The following FBXO10 variants were observed in gnomAD, a reference collection of about 807,000 sequenced individuals.
FBXO10 encodes F-box only protein 10.
FBXO10 carries 39 observed loss-of-function variants against 80.7 expected under a neutral mutation model. That is an observed-to-expected ratio of 0.48 (90% CI 0.37 to 0.63). FBXO10 has a LOEUF of 0.63. Among genes scored for constraint, FBXO10 ranks in the 30% least tolerant of loss-of-function variants. The pLI is 0.00. For missense variants in FBXO10, 1,025 were observed against 1,269.0 expected, an observed-to-expected ratio of 0.81 and a Z score of 2.92; for synonymous variants, 449 against 489.6, an observed-to-expected ratio of 0.92 and a Z score of 1.09.
intron 7 of FBXO10, chr9:37,522,531 G>C (rs995616996): frequency 4.3e-6 from 5 of 1,154,566 alleles, no homozygotes; most frequent in African/African-American, 1.6e-5. Context: ...ATGCACATGA[G>C]CCAGGGCTGA....
chr9:37,544,344 A>C (rs2119135614), intron 1 of FBXO10, among the ~76,000 whole-genome samples: 1 of 152,204 alleles, frequency 6.6e-6, no homozygotes, highest in South Asian at 2.1e-4. Flanking sequence ...GAGGCAGGAG[A>C]ATCATTTGGA....
chr9:37,568,946 G>A (rs1822677393), intron 1 of FBXO10, among the ~76,000 whole-genome samples: 1 of 152,242 alleles, frequency 6.6e-6, no homozygotes, highest in Non-Finnish European at 1.5e-5. Context: ...GAAGACAGCT[G>A]TAATGAAATG....
intron 1 of FBXO10, among the ~76,000 whole-genome samples, chr9:37,546,362 G>C (rs146061160): frequency 7.4e-4 from 112 of 152,210 alleles, no homozygotes; most frequent in African/African-American, 2.7e-3. Context: ...ATAGCACAGA[G>C]GGGGTGGGGA....
intron 1 of FBXO10, among the ~76,000 whole-genome samples, chr9:37,543,912 T>G (rs549184521): frequency 6.6e-6 from 1 of 152,226 alleles, no homozygotes; most frequent in African/African-American, 2.4e-5. Context: ...GGTGGATTAC[T>G]TGAGGTCAGG....
rs1419181663 is a variant in FBXO10 at position 37,531,905 on chromosome 9, G to C, written c.1569+4C>G. The C allele has an allele frequency of 3.1e-6, 5 of 1,613,370 alleles. No homozygotes were observed. Among genetic ancestry groups the C allele is most frequent in the African/African-American group, 2.7e-5 (2 of 74,904 alleles). On this transcript the variant is annotated splice_donor_region_variant and intron_variant, in intron 4 of 10. Coordinates refer to ENST00000432825, the MANE Select transcript of FBXO10 (RefSeq NM_012166.3). ...ACCCTGAATAGGGAACGAACACAAA[G>C]TACCAGTATGAGTGGGTTGGACTTT...
intron 8 of FBXO10, among the ~76,000 whole-genome samples, chr9:37,520,200 C>T (rs1821298382): frequency 6.6e-6 from 1 of 150,674 alleles, no homozygotes; most frequent in Non-Finnish European, 1.5e-5. Flanking sequence ...ACCCTCCCAC[C>T]CCCACCCCAC....
At chr9:37,569,394 G>GAAAAAAAAA (rs1822689888) in intron 1 of FBXO10, among the ~76,000 whole-genome samples, 1 of 39,472 alleles carries the variant, frequency 2.5e-5, no homozygotes, top group Non-Finnish European at 6.0e-5. Context: ...CAGATATAAA[G>GAAAAAAAAA]CAAAAAAAAA....
chr9:37,515,843 G>C (rs547420660), intron 10 of FBXO10, 61 bp downstream of exon 10: 3 of 1,545,414 alleles, frequency 1.9e-6, no homozygotes, highest in Non-Finnish European at 2.6e-6. Context: ...TGTGGGCCTG[G>C]CTTCTTCAGG....
intron 1 of FBXO10, among the ~76,000 whole-genome samples, chr9:37,546,070 C>T (rs776758035): frequency 2.0e-5 from 3 of 151,208 alleles, no homozygotes; most frequent in Non-Finnish European, 2.9e-5. Flanking sequence ...CGCTTGAACC[C>T]GGGAGGCAGA....
chr9:37,523,507 C>T (rs1366727112), intron 6 of FBXO10, among the ~76,000 whole-genome samples: 2 of 151,956 alleles, frequency 1.3e-5, no homozygotes, highest in Non-Finnish European at 1.5e-5. Context: ...GGGCTATAAT[C>T]GAGCCACTGC....
intron 1 of FBXO10, among the ~76,000 whole-genome samples, chr9:37,544,843 A>C (rs1224000978): frequency 6.6e-6 from 1 of 151,688 alleles, no homozygotes; most frequent in African/African-American, 2.4e-5. Context: ...AAATACAAAA[A>C]ATTAGCCGGG....
chr9:37,542,713 A>C (rs1821956945), intron 1 of FBXO10, among the ~76,000 whole-genome samples: 1 of 152,202 alleles, frequency 6.6e-6, no homozygotes, highest in African/African-American at 2.4e-5. Flanking sequence ...GAAGAAAACA[A>C]GGTGAGCACA....
Position 37,529,235 on chromosome 9 carries a change from C to T in FBXO10, c.1595G>A (p.Arg532His), listed in dbSNP as rs764698049. Residue 532 changes from arginine (R) to histidine (H), a missense_variant, in exon 5 of 11, where the codon CGC (arginine) becomes CAC (histidine). Arg to His is a conservative substitution (Grantham distance 29). Coordinates refer to ENST00000432825, the MANE Select transcript of FBXO10 (RefSeq NM_012166.3). ...ATTGCCAAGGACGACAATGCCAGAG[C>T]GAAGGCCATGGTGGATCTGGTTACA... ...ILCNQIHHGL[R>H]SGIVVLGNGK... 52 of 1,611,252 alleles carry T rather than the reference C, an allele frequency of 3.2e-5. No individual in the cohort carries two copies. The highest frequency in any genetic ancestry group is 4.4e-5 in the South Asian group (4 of 90,414).
chr9:37,523,140 A>G (rs912414317), intron 6 of FBXO10, among the ~76,000 whole-genome samples, 163 bp from the exon 7 acceptor site: 1 of 152,186 alleles, frequency 6.6e-6, no homozygotes, highest in Non-Finnish European at 1.5e-5. Flanking sequence ...CTGATGTTTC[A>G]GGGACTTATC....
At chr9:37,536,693 C>T (rs1235690979) in intron 3 of FBXO10, among the ~76,000 whole-genome samples, 1 of 152,136 alleles carries the variant, frequency 6.6e-6, no homozygotes, top group East Asian at 1.9e-4. Context: ...ACCTTCTTCT[C>T]ATTGTACCCA....
At chr9:37,524,901 A>G (rs1415261916) in intron 6 of FBXO10, among the ~76,000 whole-genome samples, 1 of 152,200 alleles carries the variant, frequency 6.6e-6, no homozygotes, top group Non-Finnish European at 1.5e-5. Context: ...GCCTGGAAGG[A>G]GCAGACACCC....
intron 1 of FBXO10, among the ~76,000 whole-genome samples, chr9:37,564,146 G>C (rs10973417): frequency 0.16 from 24,884 of 152,312 alleles, 2,464 homozygotes; most frequent in East Asian, 0.24. Flanking sequence ...TTGGGCCATT[G>C]CTTCAGAGGG....
chr9:37,552,614 C>A (rs1180509704), intron 1 of FBXO10, among the ~76,000 whole-genome samples: 2 of 149,444 alleles, frequency 1.3e-5, no homozygotes, highest in Non-Finnish European at 3.0e-5. Context: ...CCGGCAGGAA[C>A]CCAGGAGGCA....
intron 8 of FBXO10, among the ~76,000 whole-genome samples, chr9:37,520,258 A>G (rs911853397): frequency 7.1e-6 from 1 of 141,712 alleles, no homozygotes; most frequent in Admixed American, 7.3e-5. Flanking sequence ...AGTTAGGTGA[A>G]CTACACAGTA....
Sources: allele counts gnomAD v4.1 joint callset (sites outside exome capture counted in the v4.1 genomes callset), GRCh38; gene constraint gnomAD v4.1.1; transcripts MANE v1.5; gene names NCBI Gene and HGNC (gene_info 2026-07-23, HGNC 2026-07-21).